The following LDLRAD4 variants were observed in gnomAD, a reference collection of about 807,000 sequenced individuals.
The protein encoded by LDLRAD4 is low-density lipoprotein receptor class A domain-containing protein 4.
Under a neutral mutation model 17.0 loss-of-function variants are expected in LDLRAD4, and 5 were observed. The observed-to-expected ratio is 0.29, with a 90% CI of 0.15 to 0.62. The LOEUF (loss-of-function observed/expected upper bound fraction) is 0.62, where lower values mean the gene tolerates loss of function less well. Among genes scored for constraint, LDLRAD4 ranks in the 20% least tolerant of loss-of-function variants. LDLRAD4 has a pLI of 0.84. For missense variants in LDLRAD4, 340 were observed against 424.7 expected (o/e 0.80, Z 1.75); for synonymous variants, 168 against 171.8 (o/e 0.98, Z 0.17).
At chr18:13,478,258 A>T (rs1211878599) in intron 3 of LDLRAD4, among the ~76,000 whole-genome samples, 1 of 152,166 alleles carries the variant, frequency 6.6e-6, no homozygotes, top group Non-Finnish European at 1.5e-5. Context: ...GCTGTAGCAT[A>T]TCTTCTACTG....
At chr18:13,290,851 T>C (rs919031116) in intron 1 of LDLRAD4, among the ~76,000 whole-genome samples, 2 of 152,230 alleles carry the variant, frequency 1.3e-5, no homozygotes, top group African/African-American at 4.8e-5. Flanking sequence ...TAAGAATATC[T>C]GAGGGTGCAG....
chr18:13,428,832 G>T (rs532169537), intron 2 of LDLRAD4, among the ~76,000 whole-genome samples: 1 of 152,262 alleles, frequency 6.6e-6, no homozygotes, highest in South Asian at 2.1e-4. Context: ...GAGTGACTTT[G>T]GGTGGGAAAA....
At chr18:13,362,937 A>G (rs1207921755) in intron 1 of LDLRAD4, among the ~76,000 whole-genome samples, 1 of 151,954 alleles carries the variant, frequency 6.6e-6, no homozygotes, top group African/African-American at 2.4e-5. Context: ...ACCTTTGGGG[A>G]AAAATGGAAC....
At chr18:13,436,893 A>G (rs1282615578) in intron 2 of LDLRAD4, among the ~76,000 whole-genome samples, 2 of 152,218 alleles carry the variant, frequency 1.3e-5, no homozygotes, top group African/African-American at 4.8e-5. Context: ...TTCTTTTTCT[A>G]TACTCTTTTA....
chr18:13,529,588 A>G (rs1216846793), intron 3 of LDLRAD4, among the ~76,000 whole-genome samples: 1 of 152,196 alleles, frequency 6.6e-6, no homozygotes, highest in Admixed American at 6.5e-5. Context: ...CTATCAAGTG[A>G]CTTTGTGAAG....
At chr18:13,595,832 A>G (rs1024091988) in intron 3 of LDLRAD4, among the ~76,000 whole-genome samples, 1 of 152,196 alleles carries the variant, frequency 6.6e-6, no homozygotes, top group African/African-American at 2.4e-5. Flanking sequence ...TCAGAATGCC[A>G]TGTTCTACTG....
intron 3 of LDLRAD4, among the ~76,000 whole-genome samples, chr18:13,538,597 T>C (rs1184435121): frequency 6.6e-6 from 1 of 151,880 alleles, no homozygotes; most frequent in Non-Finnish European, 1.5e-5. Flanking sequence ...CAATCTCAGC[T>C]CACTGCAACT....
At chr18:13,260,129 C>T (rs2043733851) in intron 1 of LDLRAD4, among the ~76,000 whole-genome samples, 1 of 152,252 alleles carries the variant, frequency 6.6e-6, no homozygotes, top group South Asian at 2.1e-4. Flanking sequence ...AGAGAAGACT[C>T]TAAGTGACAT....
At chr18:13,590,520 A>G (rs1466793020) in intron 3 of LDLRAD4, among the ~76,000 whole-genome samples, 1 of 152,252 alleles carries the variant, frequency 6.6e-6, no homozygotes, top group East Asian at 1.9e-4. Flanking sequence ...CAGCTCCCGA[A>G]GGCCAGCTCT....
rs190283877 is a variant in LDLRAD4, at chr18:13,584,858, C to T, written c.182-36259C>T. 3.2e-4 allele frequency among the ~76,000 whole-genome samples: 49 copies of T among 152,316 alleles called. No individual in the cohort carries two copies. The East Asian group carries it at 5.0e-3, about 16-fold the overall frequency. On this transcript the variant is annotated intron_variant, in intron 3 of 5. Coordinates refer to ENST00000359446, the Ensembl canonical transcript of LDLRAD4. The stretch of plus-strand genomic sequence containing the variant: ...TTCCAAATGAAGTGATTAACTTCTG[C>T]GGTAAACTTCCTCTTGTCCAGGCTC...
intron 2 of LDLRAD4, among the ~76,000 whole-genome samples, chr18:13,393,047 G>A (rs1023892601): frequency 3.3e-5 from 5 of 152,114 alleles, no homozygotes; most frequent in Non-Finnish European, 7.3e-5. Context: ...AGGCTTGCTG[G>A]GGGTGTGACT....
chr18:13,377,076 T>A (rs2084965982), intron 1 of LDLRAD4, among the ~76,000 whole-genome samples: 1 of 152,168 alleles, frequency 6.6e-6, no homozygotes, highest in South Asian at 2.1e-4. Context: ...TGAAGGTGCA[T>A]CGAGTCGGGA....
intron 3 of LDLRAD4, among the ~76,000 whole-genome samples, chr18:13,455,532 AGGAG>A (rs538362043): frequency 0.38 from 55,108 of 145,544 alleles, 11,152 homozygotes; most frequent in Non-Finnish European, 0.47. Context: ...AGGAGACACT[AGGAG>A]CAGCTCAGCA....
At chr18:13,267,635 C>T (rs971268610) in intron 1 of LDLRAD4, among the ~76,000 whole-genome samples, 5 of 152,274 alleles carry the variant, frequency 3.3e-5, no homozygotes, top group African/African-American at 9.6e-5. Context: ...TCACTTCAGA[C>T]GTCGTGTGTA....
At chr18:13,289,400 A>G (rs1045029486) in intron 1 of LDLRAD4, among the ~76,000 whole-genome samples, 1 of 152,220 alleles carries the variant, frequency 6.6e-6, no homozygotes, top group South Asian at 2.1e-4. Flanking sequence ...AGATTGCAGA[A>G]CATTGAACTG....
At chr18:13,249,305 A>T (rs1232759842) in intron 1 of LDLRAD4, among the ~76,000 whole-genome samples, 1 of 152,158 alleles carries the variant, frequency 6.6e-6, no homozygotes, top group Non-Finnish European at 1.5e-5. Context: ...TTCTAGTTGT[A>T]GTTTTCAGAG....
At chr18:13,539,080 G>A (rs180761225) in intron 3 of LDLRAD4, among the ~76,000 whole-genome samples, 66 of 152,318 alleles carry the variant, frequency 4.3e-4, no homozygotes, top group Non-Finnish European at 1.8e-4. Flanking sequence ...AAAAAACAGA[G>A]AAGTAGTTTC....
intron 1 of LDLRAD4, among the ~76,000 whole-genome samples, chr18:13,330,765 G>T (rs12232719): frequency 0.052 from 7,898 of 152,234 alleles, 513 homozygotes; most frequent in African/African-American, 0.15. Flanking sequence ...TCACCAGAAA[G>T]ACCAAGGCAT....
chr18:13,515,667 C>G (rs185018037), intron 3 of LDLRAD4: 1 of 152,104 alleles, frequency 6.6e-6, no homozygotes, highest in Admixed American at 6.5e-5. Context: ...TTTTTAAGGA[C>G]CTAATAAATA....
Sources: allele counts gnomAD v4.1 joint callset (sites outside exome capture counted in the v4.1 genomes callset), GRCh38; gene constraint gnomAD v4.1.1; transcripts MANE v1.5; gene names NCBI Gene and HGNC (gene_info 2026-07-23, HGNC 2026-07-21).